TMLHE: variants seen among roughly 807,000 people sequenced by gnomAD.
TMLHE encodes trimethyllysine hydroxylase, epsilon.
TMLHE carries 18 observed loss-of-function variants against 25.7 expected under a neutral mutation model. The observed-to-expected ratio is 0.70, with a 90% CI of 0.48 to 1.04. The LOEUF (loss-of-function observed/expected upper bound fraction) is 1.04, where lower values mean the gene tolerates loss of function less well. Ranked by LOEUF, TMLHE falls within the 50% of genes least tolerant of loss-of-function variation. TMLHE has a pLI of 0.00. For missense variants in TMLHE, 236 were observed against 259.0 expected, an observed-to-expected ratio of 0.91 and a Z score of 0.61; for synonymous variants, 105 against 97.0, an observed-to-expected ratio of 1.08 and a Z score of -0.49.
Position 155,514,116 on chromosome X carries a change from A to G in TMLHE, c.508T>C (p.Phe170Leu), listed in dbSNP as rs2067136331. ...AQVPSVDCQS[F>L]LETNEGLKKF... The stretch of plus-strand genomic sequence containing the variant: ...TTCAGTCCCTCGTTGGTTTCTAAGA[A>G]GCTCTGGCAATCTACCGATGGAACT... The change falls in exon 4 of 8, where the codon TTC becomes CTC. Residue 170 changes from phenylalanine to leucine, a missense_variant. Around this residue, in one of 2 missense-constraint regions of TMLHE, gnomAD observed 217 missense variants for 214.6 expected, o/e 1.01. Coordinates refer to ENST00000334398, the MANE Select transcript of TMLHE (RefSeq NM_018196.4). The G allele has an allele frequency of 8.3e-7, 1 of 1,211,178 alleles. No homozygotes were observed.
At chrX:155,594,535 T>A (rs1329708774) in intron 1 of TMLHE, among the ~76,000 whole-genome samples, 1 of 111,831 alleles carries the variant, frequency 8.9e-6, no homozygotes, top group Non-Finnish European at 1.9e-5. Context: ...ATAAAACATA[T>A]GAAAATGCAA....
At chrX:155,542,259 A>G (rs1476085507) in intron 2 of TMLHE, among the ~76,000 whole-genome samples, 1 of 111,780 alleles carries the variant, frequency 8.9e-6, no homozygotes. Context: ...AGCCTTCTGC[A>G]TATGGCATCA....
At chrX:155,594,010 G>A (rs782515605) in intron 1 of TMLHE, among the ~76,000 whole-genome samples, 1 of 111,626 alleles carries the variant, frequency 9.0e-6, no homozygotes, top group Non-Finnish European at 1.9e-5. Flanking sequence ...AAAAGAGCCA[G>A]AAAGGCTATT....
intron 1 of TMLHE, among the ~76,000 whole-genome samples, chrX:155,586,556 T>C (rs1423140562): frequency 9.0e-6 from 1 of 110,729 alleles, no homozygotes; most frequent in African/African-American, 3.3e-5. Flanking sequence ...ACTCAAAAAA[T>C]ACAAAGATCA....
chrX:155,579,961 A>G (rs1324939361), intron 1 of TMLHE, among the ~76,000 whole-genome samples: 1 of 111,212 alleles, frequency 9.0e-6, no homozygotes, highest in African/African-American at 3.3e-5. Context: ...AACAAAAAAA[A>G]AAAAATAGAA....
rs782729070 is a variant in TMLHE, at chrX:155,511,527, T to C, written c.758+146A>G. ...AAAACTGAGTTAAGGTATTTCAAAA[T>C]GATCATGTTTCTAGGGGAAGAGAAA... On this transcript the variant is annotated intron_variant, in intron 5 of 7. Transcript: ENST00000334398. 1.1e-5 allele frequency: 6 copies of C among 565,223 alleles called. No individual in the cohort carries two copies. The South Asian group carries it at 3.1e-4, about 29-fold the overall frequency. The allele number at this position is 565,223 out of a possible 1,213,427, so 46.6% of individuals were successfully genotyped here.
intron 5 of TMLHE, among the ~76,000 whole-genome samples, chrX:155,510,708 A>T (rs1181769991): frequency 9.2e-6 from 1 of 109,138 alleles, no homozygotes; most frequent in Non-Finnish European, 1.9e-5. Flanking sequence ...CACAGTAAAC[A>T]TACGTGTGCA....
Position 155,556,024 on chromosome X carries a change from A to G in TMLHE, c.-1-10747T>C, listed in dbSNP as rs141090972. The stretch of plus-strand genomic sequence containing the variant: ...TTTAGGTCTAACATTTAAGTCTTTA[A>G]TCCATCTTGAATTGGTCTCTTCTTA... On this transcript the variant is annotated intron_variant, in intron 1 of 7. Transcript: ENST00000334398. 9.1e-4 allele frequency among the ~76,000 whole-genome samples: 101 copies of G among 110,657 alleles called. 1 individual carries two copies. The highest frequency in any genetic ancestry group is 1.8e-3 in the Non-Finnish European group (93 of 52,710).
At chrX:155,514,343 G>T (rs1485646074) in intron 3 of TMLHE, 78 bp from the exon 4 acceptor site, 21 of 1,028,924 alleles carry the variant, frequency 2.0e-5, no homozygotes, top group Non-Finnish European at 2.6e-6. Flanking sequence ...AACTAGTTAA[G>T]AATCTTTTTC....
chrX:155,552,511 T>C, intron 1 of TMLHE, among the ~76,000 whole-genome samples: 1 of 109,989 alleles, frequency 9.1e-6, no homozygotes, highest in Admixed American at 9.6e-5. Flanking sequence ...TTAAAATTAT[T>C]TACAATATCC....
At chrX:155,611,695 C>T (rs1447959462) in intron 1 of TMLHE, 2 of 111,538 alleles carry the variant, frequency 1.8e-5, no homozygotes, top group Non-Finnish European at 3.8e-5. Flanking sequence ...CCTTACTTAA[C>T]GTCTTCTGGT....
rs782450815 is a variant in TMLHE at position 155,597,827 on chromosome X, C to T, written c.-2+14965G>A. On this transcript the variant is annotated intron_variant, in intron 1 of 7. Transcript: ENST00000334398. ...CCAAAAAAAACAATCTGAAATGCTT[C>T]TAGTCCCAAGCATTTCAGATAAGGA... Among the ~76,000 whole-genome samples the T allele has an allele frequency of 5.5e-5, 6 of 109,538 alleles. No individual in the cohort carries two copies. In the South Asian group the frequency reaches 2.4e-3, roughly 44 times the overall value.
At chrX:155,507,788 TAA>T (rs1481804164) in intron 5 of TMLHE, among the ~76,000 whole-genome samples, 4 of 111,187 alleles carry the variant, frequency 3.6e-5, no homozygotes, top group African/African-American at 1.3e-4. Context: ...ATCAATATTT[TAA>T]AGAGTCCATT....
intron 1 of TMLHE, among the ~76,000 whole-genome samples, chrX:155,559,521 C>T (rs781915870): frequency 1.1e-3 from 128 of 111,331 alleles, no homozygotes; most frequent in Non-Finnish European, 1.7e-3. Flanking sequence ...CTAAAGCCAT[C>T]GTAATGTAAA....
chrX:155,514,376 T>G (rs1449593688), intron 3 of TMLHE, 111 bp from the exon 4 acceptor site: 2 of 826,560 alleles, frequency 2.4e-6, no homozygotes, highest in African/African-American at 4.1e-5. Flanking sequence ...TATCCAGTAC[T>G]GTATTGTTTA....
chrX:155,583,215 T>A (rs1367028499), intron 1 of TMLHE, among the ~76,000 whole-genome samples: 1 of 111,129 alleles, frequency 9.0e-6, no homozygotes, highest in Non-Finnish European at 1.9e-5. Context: ...GAGATATACC[T>A]AATGTAAATG....
chrX:155,526,108 G>A (rs948664646), intron 2 of TMLHE, among the ~76,000 whole-genome samples: 11 of 112,839 alleles, frequency 9.7e-5, no homozygotes, highest in African/African-American at 2.9e-4. Context: ...ACAATGGGGG[G>A]GAAATGTCTC....
chrX:155,590,963 C>T (rs1438315535), intron 1 of TMLHE, among the ~76,000 whole-genome samples: 4 of 110,978 alleles, frequency 3.6e-5, no homozygotes, highest in African/African-American at 1.3e-4. Flanking sequence ...TCTAACTATA[C>T]TATGAGAGAC....
At chrX:155,532,023 C>T (rs782517481) in intron 2 of TMLHE, among the ~76,000 whole-genome samples, 17 of 111,993 alleles carry the variant, frequency 1.5e-4, no homozygotes, top group Non-Finnish European at 1.9e-4. Flanking sequence ...TGGCTACACA[C>T]TGCAGGGCAC....
Sources: allele counts gnomAD v4.1 joint callset (sites outside exome capture counted in the v4.1 genomes callset), GRCh38; gene constraint gnomAD v4.1.1; regional missense constraint gnomAD v4.1.1; transcripts MANE v1.5; gene names NCBI Gene and HGNC (gene_info 2026-07-23, HGNC 2026-07-21).